Variants in SLX4IP observed in about 807,000 individuals in gnomAD.
The protein encoded by SLX4IP is SLX4 interacting protein.
In SLX4IP, 34 loss-of-function variants were observed where a neutral mutation model predicts 32.9. The observed-to-expected ratio is 1.03, with a 90% CI of 0.79 to 1.38. The LOEUF is 1.38. Among genes scored for constraint, SLX4IP ranks in the 40% most tolerant of loss-of-function variants. The probability of loss-of-function intolerance (pLI) is 0.00; values close to 1 mark genes in which losing one functional copy is unlikely to be tolerated. For missense variants in SLX4IP, 444 were observed against 479.0 expected (o/e 0.93, Z 0.68); for synonymous variants, 172 against 171.7 (o/e 1.00, Z -0.01).
intron 4 of SLX4IP, among the ~76,000 whole-genome samples, chr20:10,563,256 C>T (rs1007349859): frequency 1.3e-5 from 2 of 152,122 alleles, no homozygotes; most frequent in African/African-American, 4.8e-5. Flanking sequence ...ATCAGATTCG[C>T]TTATTTGCTA....
intron 1 of SLX4IP, among the ~76,000 whole-genome samples, chr20:10,439,319 G>A (rs890385936): frequency 1.3e-4 from 19 of 151,494 alleles, no homozygotes; most frequent in African/African-American, 3.9e-4. Context: ...GGTGATTCTC[G>A]TGCCTCAGCC....
chr20:10,463,353 A>T (rs1052327331), intron 2 of SLX4IP, among the ~76,000 whole-genome samples: 3 of 152,200 alleles, frequency 2.0e-5, no homozygotes, highest in African/African-American at 7.2e-5. Context: ...TTGGGTATCC[A>T]GTTTCTGGGC....
intron 6 of SLX4IP, among the ~76,000 whole-genome samples, chr20:10,608,692 AAG>A (rs1169139452): frequency 2.6e-5 from 4 of 151,434 alleles, no homozygotes; most frequent in African/African-American, 9.7e-5. Flanking sequence ...AAAAAAAAAA[AAG>A]GTCATAGAAA....
intron 2 of SLX4IP, among the ~76,000 whole-genome samples, chr20:10,466,617 C>T (rs887962277): frequency 6.6e-6 from 1 of 152,170 alleles, no homozygotes; most frequent in African/African-American, 2.4e-5. Flanking sequence ...CCAGATTTCT[C>T]TGGAATGTGC....
intron 2 of SLX4IP, among the ~76,000 whole-genome samples, chr20:10,489,162 T>C (rs978426993): frequency 9.9e-5 from 15 of 152,192 alleles, no homozygotes; most frequent in African/African-American, 3.4e-4. Context: ...TCGTGAAGTG[T>C]AGTTCATGCC....
At chr20:10,479,060 C>T (rs2065498443) in intron 2 of SLX4IP, among the ~76,000 whole-genome samples, 1 of 152,218 alleles carries the variant, frequency 6.6e-6, no homozygotes, top group Admixed American at 6.5e-5. Flanking sequence ...CAGGCCTCTG[C>T]CCAGATTCGG....
intron 2 of SLX4IP, among the ~76,000 whole-genome samples, chr20:10,518,438 T>TC (rs1394484197): frequency 0.059 from 3,991 of 67,574 alleles, 251 homozygotes; most frequent in Admixed American, 0.14. Flanking sequence ...CCTCCCTCCT[T>TC]CTTCCTTCCT....
At chr20:10,497,671 C>T (rs1305482991) in intron 2 of SLX4IP, among the ~76,000 whole-genome samples, 1 of 151,830 alleles carries the variant, frequency 6.6e-6, no homozygotes, top group Non-Finnish European at 1.5e-5. Flanking sequence ...TTTCTTTAAA[C>T]TTCTTAAATG....
intron 6 of SLX4IP, among the ~76,000 whole-genome samples, chr20:10,607,323 A>C (rs958367939): frequency 2.6e-5 from 4 of 152,218 alleles, no homozygotes; most frequent in African/African-American, 9.6e-5. Flanking sequence ...AGCTGTGGCC[A>C]AAATAGCCAT....
chr20:10,472,366 G>T (rs1449108885), intron 2 of SLX4IP, among the ~76,000 whole-genome samples: 6 of 152,006 alleles, frequency 3.9e-5, no homozygotes, highest in Non-Finnish European at 8.8e-5. Context: ...GAGTAGCTGG[G>T]ACTACAGTCG....
intron 2 of SLX4IP, among the ~76,000 whole-genome samples, chr20:10,510,637 G>A (rs1018930306): frequency 3.4e-5 from 5 of 147,394 alleles, no homozygotes; most frequent in East Asian, 2.0e-4. Flanking sequence ...ATGCAGTCTC[G>A]CTCTGTCACC....
In SLX4IP at chr20:10,538,965, G is replaced by A. The variant is rs184772035; in HGVS notation, c.28-17266G>A. On this transcript the variant is annotated intron_variant, in intron 2 of 7. Coordinates refer to ENST00000334534, the MANE Select transcript of SLX4IP (RefSeq NM_001009608.3). Reference sequence around the variant, plus strand: ...GGGTGGGGAATAAGTTTCCTGTTGAGGACTAATGCCCAAGGCAGAGTTAAT... The same window carrying A: ...GGGTGGGGAATAAGTTTCCTGTTGAAGACTAATGCCCAAGGCAGAGTTAAT... Among the ~76,000 whole-genome samples, 245 of 152,314 alleles carry A rather than the reference G, an allele frequency of 1.6e-3. 2 individuals are homozygous for A. Among genetic ancestry groups the A allele is most frequent in the Middle Eastern group, 0.01 (3 of 294 alleles).
chr20:10,525,642 C>T (rs2065934755), intron 2 of SLX4IP, among the ~76,000 whole-genome samples: 1 of 152,094 alleles, frequency 6.6e-6, no homozygotes, highest in Admixed American at 6.5e-5. Flanking sequence ...TATTTTCCTC[C>T]AGAATTATTC....
intron 2 of SLX4IP, among the ~76,000 whole-genome samples, chr20:10,528,189 A>G (rs1035055035): frequency 6.6e-6 from 1 of 152,196 alleles, no homozygotes; most frequent in African/African-American, 2.4e-5. Flanking sequence ...AATTTAATTC[A>G]AAAGTTTTCT....
chr20:10,613,325 A>C (rs2066989585), intron 6 of SLX4IP: 1 of 865,506 alleles, frequency 1.2e-6, no homozygotes, highest in Non-Finnish European at 1.9e-6. Flanking sequence ...TTCAGGCTGG[A>C]AAGACACCTT....
chr20:10,504,155 A>G (rs960582500), intron 2 of SLX4IP, among the ~76,000 whole-genome samples: 1 of 152,150 alleles, frequency 6.6e-6, no homozygotes, highest in Non-Finnish European at 1.5e-5. Flanking sequence ...GACAGCCTTG[A>G]GCTTCCCTAA....
chr20:10,507,653 G>T (rs755734882), intron 2 of SLX4IP, among the ~76,000 whole-genome samples: 19 of 152,104 alleles, frequency 1.2e-4, no homozygotes, highest in Non-Finnish European at 1.9e-4. Flanking sequence ...GTCAGTATTT[G>T]CAGGGATAGA....
In SLX4IP at chr20:10,547,984, A is replaced by T. The variant is rs374383556; in HGVS notation, c.28-8247A>T. ...ACACTTTTATAACCTCCACAGGAGG[A>T]CAGACACTATGTGTGCAGGTAGAAT... On this transcript the variant is annotated intron_variant, in intron 2 of 7. Transcript: ENST00000334534. 3.3e-5 allele frequency among the ~76,000 whole-genome samples: 5 copies of T among 152,294 alleles called. No individual in the cohort carries two copies. The South Asian group carries it at 1.0e-3, about 32-fold the overall frequency.
intron 4 of SLX4IP, among the ~76,000 whole-genome samples, chr20:10,596,141 A>T (rs1037438783): frequency 1.3e-5 from 2 of 152,130 alleles, no homozygotes; most frequent in African/African-American, 4.8e-5. Context: ...TTTAGCTGTC[A>T]CTCAAGTAGT....
Sources: gnomAD v4.1 joint callset for allele counts (sites outside exome capture counted in the v4.1 genomes callset) on GRCh38, gnomAD v4.1.1 for gene constraint, MANE v1.5 for transcripts, NCBI Gene and HGNC (gene_info 2026-07-23, HGNC 2026-07-21) for gene names.